CCDC187: variants seen among roughly 807,000 people sequenced by gnomAD.
CCDC187 encodes the protein coiled-coil domain containing 187, also known as coiled-coil domain-containing protein 187.
In CCDC187, 32 loss-of-function variants were observed where a neutral mutation model predicts 38.0. The ratio of observed to expected loss-of-function variants is 0.84; its 90% CI spans 0.64 to 1.13. The LOEUF is 1.13. CCDC187 is among the 50% of genes most tolerant of loss of function. CCDC187 has a pLI of 0.00. For synonymous variants in CCDC187, 333 were observed against 347.9 expected, an observed-to-expected ratio of 0.96 and a Z score of 0.48; for missense variants, 707 against 786.8, an observed-to-expected ratio of 0.90 and a Z score of 1.21.
At position 136,255,140 on chromosome 9, in the gene CCDC187, A is replaced by G; in HGVS notation, c.4694-6T>C. On this transcript the variant is annotated splice_region_variant and splice_polypyrimidine_tract_variant and intron_variant, in intron 25 of 25. Coordinates refer to ENST00000638797, the MANE Select transcript of CCDC187 (RefSeq NM_001378188.1). Reference sequence around the variant, plus strand: ...CTCAGGGACCACAGGAGCTGCTAAGAGAGGGGGCAATCAACAGTGGTCACC... The same window carrying G: ...CTCAGGGACCACAGGAGCTGCTAAGGGAGGGGGCAATCAACAGTGGTCACC... The G allele has an allele frequency of 2.0e-6, 2 of 985,394 alleles. No individual in the cohort carries two copies. Among genetic ancestry groups the G allele is most frequent in the East Asian group, 2.3e-4 (2 of 8,802 alleles). The allele number at this position is 985,394 out of a possible 1,614,324, so 61.0% of individuals were successfully genotyped here.
chr9:136,280,271 C>T (rs1451925856), intron 10 of CCDC187, among the ~76,000 whole-genome samples: 1 of 152,236 alleles, frequency 6.6e-6, no homozygotes, highest in African/African-American at 2.4e-5. Flanking sequence ...AACACAGGCA[C>T]TGTAAGGGCC....
intron 4 of CCDC187, chr9:136,296,265 A>G (rs2131342631): frequency 6.6e-6 from 1 of 152,280 alleles, no homozygotes; most frequent in East Asian, 1.9e-4. Flanking sequence ...CACTGCTCAC[A>G]CTTGGAGTGA....
Position 136,263,649 on chromosome 9 carries a change from C to T in CCDC187, c.3885G>A (p.Glu1295=), listed in dbSNP as rs1830706486. The change falls in exon 18 of 26, where the codon GAG becomes GAA. Residue 1295 remains glutamate, a synonymous_variant. Coordinates refer to ENST00000638797, the MANE Select transcript of CCDC187 (RefSeq NM_001378188.1). The part of the protein sequence containing the change: ...PGPTDVVPAH[E]LQAQAKLQQG... ...GCTGCAGCTTGGCCTGGGCCTGCAG[C>T]TCGTGCGCTGGGACGACGTCCGTGG... 4 of 985,376 alleles carry T rather than the reference C, an allele frequency of 4.1e-6. No homozygotes were observed. In the Admixed American group the frequency reaches 1.8e-4, roughly 45 times the overall value. 61.0% of individuals were successfully genotyped at this position (985,376 alleles called of 1,614,324 possible). A position where few individuals can be genotyped will look rare whatever the true frequency, so the allele number is the denominator to read the frequency against.
chr9:136,293,033 G>T (rs1831373745), intron 4 of CCDC187, among the ~76,000 whole-genome samples: 1 of 152,248 alleles, frequency 6.6e-6, no homozygotes, highest in South Asian at 2.1e-4. Context: ...GGGCCCAGCT[G>T]CGAGGGCCCT....
rs1394664882 is a variant in CCDC187 at position 136,263,621 on chromosome 9, C to T, written c.3912+1G>A. 4.2e-5 allele frequency: 41 copies of T among 985,346 alleles called. 1 individual carries two copies. The Middle Eastern group carries it at 1.5e-3, about 37-fold the overall frequency. The allele number at this position is 985,346 out of a possible 1,614,324, so 61.0% of individuals were successfully genotyped here. Reference sequence around the variant, plus strand: ...GTCCCAGCCCAGGCGAGAGCACCCACCTGCTGCAGCTTGGCCTGGGCCTGC... The same window carrying T: ...GTCCCAGCCCAGGCGAGAGCACCCATCTGCTGCAGCTTGGCCTGGGCCTGC... On this transcript the variant is annotated splice_donor_variant, in intron 18 of 25. Coordinates refer to ENST00000638797, the MANE Select transcript of CCDC187 (RefSeq NM_001378188.1). LOFTEE classifies it high-confidence loss of function.
rs1262079627 is a variant in CCDC187, at chr9:136,300,653, C to T, written c.626-335G>A. 6.6e-5 allele frequency among the ~76,000 whole-genome samples: 10 copies of T among 151,332 alleles called. No individual in the cohort carries two copies. The South Asian group carries it at 1.9e-3, about 28-fold the overall frequency. ...AGCTCTGTCGCCCAGGCTGGAGTGC[C>T]ATGGTGTGATCTCAGCTCACTGCAA... is the stretch of plus-strand genomic sequence containing the variant. On this transcript the variant is annotated intron_variant, in intron 2 of 25. Coordinates refer to ENST00000638797, the MANE Select transcript of CCDC187 (RefSeq NM_001378188.1).
chr9:136,299,134 A>C (rs1187032571), intron 3 of CCDC187, among the ~76,000 whole-genome samples: 1 of 152,294 alleles, frequency 6.6e-6, no homozygotes, highest in Admixed American at 6.5e-5. Context: ...AGGGAGGAAC[A>C]AAGTGGCGCT....
At chr9:136,284,372 C>T (rs878859544) in intron 9 of CCDC187, among the ~76,000 whole-genome samples, 99,145 of 151,674 alleles carry the variant, frequency 0.65, 32,475 homozygotes, top group East Asian at 0.75. Context: ...GACCTGGCCA[C>T]GCATTGAGGG....
chr9:136,298,517 G>C (rs1198869207), intron 3 of CCDC187, among the ~76,000 whole-genome samples: 1 of 152,218 alleles, frequency 6.6e-6, no homozygotes, highest in Non-Finnish European at 1.5e-5. Flanking sequence ...GGGTGGGGGA[G>C]TATCTGGGAA....
chr9:136,291,444 TGGGCCAG>T lies in CCDC187; in HGVS notation c.1162_1168del (p.Leu388ArgfsTer41), dbSNP rs1831327774. ...GAGCTCTTGCCCTCCCTTGCGGGCC[TGGGCCAG>T]CTCCAGCCCAGCCTGGATTTGCTGG... On this transcript the variant is annotated frameshift_variant, in exon 6 of 26. Coordinates refer to ENST00000638797, the MANE Select transcript of CCDC187 (RefSeq NM_001378188.1). LOFTEE classifies it high-confidence loss of function. The T allele has an allele frequency of 2.5e-6, 1 of 398,684 alleles. No individual in the cohort carries two copies. The allele number at this position is 398,684 out of a possible 1,614,324, so 24.7% of individuals were successfully genotyped here. A position where few individuals can be genotyped will look rare whatever the true frequency, so the allele number is the denominator to read the frequency against.
At chr9:136,267,347 C>CAGTAG (rs1257586482) in intron 16 of CCDC187, 37 bp downstream of exon 16, 1 of 951,766 alleles carries the variant, frequency 1.1e-6, no homozygotes, top group African/African-American at 2.0e-5. Context: ...GGCGGGGCTA[C>CAGTAG]GGCGGGGCGG....
At chr9:136,291,992 A>G (rs944694181) in intron 5 of CCDC187, among the ~76,000 whole-genome samples, 169 bp downstream of exon 5, 1 of 152,186 alleles carries the variant, frequency 6.6e-6, no homozygotes, top group African/African-American at 2.4e-5. Context: ...TATTGCCCAA[A>G]GTCCCCAGTT....
chr9:136,274,064 A>G (rs1830885520), intron 14 of CCDC187, among the ~76,000 whole-genome samples: 1 of 152,150 alleles, frequency 6.6e-6, no homozygotes, highest in Non-Finnish European at 1.5e-5. Context: ...CCACCAGGGA[A>G]AGCCGCTCAA....
In CCDC187 at chr9:136,253,837, G is replaced by A. The variant is rs539708603; in HGVS notation, c.5991C>T (p.Tyr1997=). The A allele has an allele frequency of 2.2e-5, 22 of 985,258 alleles. No individual in the cohort carries two copies. In the South Asian group the frequency reaches 9.4e-4, roughly 42 times the overall value. The allele number at this position is 985,258 out of a possible 1,614,324, so 61.0% of individuals were successfully genotyped here. ...ILSPVDELLS[Y]GSADLPSSIH... ...TGGAGGACGGGAGGTCGGCACTGCC[G>A]TAGGACAGCAACTCGTCCACGGGAG... Residue 1997 remains tyrosine (Y), a synonymous_variant, in exon 26 of 26, where the codon TAC becomes TAT. Transcript: ENST00000638797.
At position 136,292,049 on chromosome 9, in the gene CCDC187, C is replaced by T. The variant is rs1831344486; in HGVS notation, c.967+112G>A. The stretch of plus-strand genomic sequence containing the variant: ...GGTGTTTGCAGGCTGCTGTGAGAGG[C>T]GCCAACACCTCTTCCTTCCAGGCGG... On this transcript the variant is annotated intron_variant, in intron 5 of 25. Coordinates refer to ENST00000638797, the MANE Select transcript of CCDC187 (RefSeq NM_001378188.1). The T allele has an allele frequency of 2.0e-5, 8 of 397,940 alleles. No homozygotes were observed. In the South Asian group the frequency reaches 6.8e-4, roughly 34 times the overall value. The allele number at this position is 397,940 out of a possible 1,614,324, so 24.7% of individuals were successfully genotyped here.
intron 16 of CCDC187, 57 bp downstream of exon 16, chr9:136,267,327 G>C (rs1376985907): frequency 6.2e-6 from 6 of 967,568 alleles, no homozygotes; most frequent in Non-Finnish European, 7.3e-6. Context: ...GCAGGGCGGG[G>C]CTACAGCAGG....
Position 136,262,203 on chromosome 9 carries a change from G to C in CCDC187, c.4064+108C>G, listed in dbSNP as rs1564308088. 4.2e-6 allele frequency: 4 copies of C among 946,792 alleles called. No homozygotes were observed. The African/African-American group carries it at 7.1e-5, about 17-fold the overall frequency. 58.6% of individuals were successfully genotyped at this position (946,792 alleles called of 1,614,324 possible). A position where few individuals can be genotyped will look rare whatever the true frequency, so the allele number is the denominator to read the frequency against. ...GCCCAGGGCTACACGTGCCACCCCG[G>C]CCCCTGAGCCAGGCTCGTCCACCGG... On this transcript the variant is annotated intron_variant, in intron 19 of 25. Coordinates refer to ENST00000638797, the MANE Select transcript of CCDC187 (RefSeq NM_001378188.1).
chr9:136,281,221 A>G, intron 10 of CCDC187: 1 of 394,878 alleles, frequency 2.5e-6, no homozygotes, highest in Non-Finnish European at 4.5e-6. Flanking sequence ...TAGCAGAAGA[A>G]AAAGTCGAAT....
rs901400490 is a variant in CCDC187, at chr9:136,290,064, G to A, written c.2128-11C>T. On this transcript the variant is annotated splice_polypyrimidine_tract_variant and intron_variant, in intron 6 of 25. Transcript: ENST00000638797. ...GGAGGCTTCCAGGCCCTAAAGTAGA[G>A]GGCAATGCCATCAGAGCCCCCCGCT... 562 of 398,868 alleles carry A rather than the reference G, an allele frequency of 1.4e-3. 1 individual carries two copies. The highest frequency in any genetic ancestry group is 0.012 in the East Asian group (333 of 28,070). The allele number at this position is 398,868 out of a possible 1,614,324, so 24.7% of individuals were successfully genotyped here.
Sources: gnomAD v4.1 joint callset for allele counts (sites outside exome capture counted in the v4.1 genomes callset) on GRCh38, gnomAD v4.1.1 for gene constraint, MANE v1.5 for transcripts, NCBI Gene and HGNC (gene_info 2026-07-23, HGNC 2026-07-21) for gene names.